COL4A2: variants seen among roughly 807,000 people sequenced by gnomAD.
The protein encoded by COL4A2 is collagen type IV alpha 2 chain, also known as collagen alpha-2(IV) chain.
A neutral mutation model predicts 200.2 loss-of-function variants in COL4A2; 99 were observed. The observed-to-expected ratio is 0.49, with a 90% CI of 0.42 to 0.58. The LOEUF (loss-of-function observed/expected upper bound fraction) is 0.58. Among genes scored for constraint, COL4A2 ranks in the 20% least tolerant of loss-of-function variants. The probability of loss-of-function intolerance (pLI) is 0.00; values close to 1 mark genes in which losing one functional copy is unlikely to be tolerated. For synonymous variants in COL4A2, 897 were observed against 900.6 expected (o/e 1.00, Z 0.07); for missense variants, 1,950 against 2,314.1 (o/e 0.84, Z 3.23).
At chr13:110,396,679 T>TG (rs1358591042) in intron 4 of COL4A2, among the ~76,000 whole-genome samples, 1 of 152,170 alleles carries the variant, frequency 6.6e-6, no homozygotes, top group Non-Finnish European at 1.5e-5. Context: ...TTAAACCCCA[T>TG]GGCAGTCTAA....
At chr13:110,502,678 C>A in intron 41 of COL4A2, 1 of 159,440 alleles carries the variant, frequency 6.3e-6, no homozygotes, top group Admixed American at 6.5e-5. Flanking sequence ...ACCTAGATGA[C>A]CCTTGAGGGC....
At chr13:110,347,341 G>A (rs1012672598) in intron 3 of COL4A2, among the ~76,000 whole-genome samples, 2 of 152,212 alleles carry the variant, frequency 1.3e-5, no homozygotes, top group African/African-American at 4.8e-5. Flanking sequence ...GGAAGGCTCG[G>A]GGGGCTGAGT....
At chr13:110,395,706 A>T (rs1400510921) in intron 4 of COL4A2, among the ~76,000 whole-genome samples, 1 of 152,192 alleles carries the variant, frequency 6.6e-6, no homozygotes, top group Non-Finnish European at 1.5e-5. Flanking sequence ...ACACTTTAGG[A>T]GGCCGAGGAG....
chr13:110,484,270 A>G (rs1883035111), intron 32 of COL4A2, among the ~76,000 whole-genome samples: 1 of 152,088 alleles, frequency 6.6e-6, no homozygotes, highest in Non-Finnish European at 1.5e-5. Context: ...CTAGCCTAGT[A>G]CTGAATACAC....
intron 3 of COL4A2, among the ~76,000 whole-genome samples, chr13:110,327,221 G>T (rs903962885): frequency 1.3e-5 from 2 of 152,130 alleles, no homozygotes; most frequent in African/African-American, 4.8e-5. Context: ...ATTCCCAGGG[G>T]GCCCCCACCC....
In COL4A2 at chr13:110,364,223, A is replaced by G. The variant is rs181976491; in HGVS notation, c.180+6671A>G. On this transcript the variant is annotated intron_variant, in intron 4 of 47. Transcript: ENST00000360467. Reference sequence around the variant, plus strand: ...AACACCACCTGGCTTCCAGGCTTTTATAGCCCTGTCTACACATAGCTCTCA... The same window carrying G: ...AACACCACCTGGCTTCCAGGCTTTTGTAGCCCTGTCTACACATAGCTCTCA... Among the ~76,000 whole-genome samples the G allele has an allele frequency of 2.6e-3, 392 of 152,336 alleles. 2 individuals carry two copies. The highest frequency in any genetic ancestry group is 3.0e-3 in the Non-Finnish European group (203 of 68,030).
intron 3 of COL4A2, among the ~76,000 whole-genome samples, chr13:110,341,828 A>G (rs1313971647): frequency 6.6e-6 from 1 of 152,234 alleles, no homozygotes; most frequent in Non-Finnish European, 1.5e-5. Flanking sequence ...TTTTGAAAGG[A>G]CAGGAGCATA....
intron 24 of COL4A2, among the ~76,000 whole-genome samples, chr13:110,463,783 G>A (rs1212295913): frequency 6.6e-6 from 1 of 152,172 alleles, no homozygotes; most frequent in Admixed American, 6.6e-5. Flanking sequence ...TGATTCTCCT[G>A]CCTTGGCTTC....
At chr13:110,473,200 C>A (rs1464076010) in intron 29 of COL4A2, 50 bp downstream of exon 29, 3 of 1,517,444 alleles carry the variant, frequency 2.0e-6, no homozygotes, top group Non-Finnish European at 2.7e-6. Context: ...TGCACAGTGG[C>A]CTCCAAGGGC....
chr13:110,503,225 G>A lies in COL4A2; in HGVS notation c.3982G>A (p.Ala1328Thr). 6.2e-7 allele frequency: 1 copy of A among 1,613,828 alleles called. No homozygotes were observed. Among genetic ancestry groups the A allele is most frequent in the Non-Finnish European group, 8.5e-7 (1 of 1,179,926 alleles). ...AGGAACCCCAGGGACCAAAGGATGG[G>A]CCGGGGACTCCGGGCCCCAGGGCAG... ...APGTPGTKGW[A>T]GDSGPQGRPG... is the part of the protein sequence containing the mutation. Residue 1328 changes from alanine (A) to threonine (T), a missense_variant, in exon 42 of 48, where the codon GCC (alanine) becomes ACC (threonine). This residue lies in a region of COL4A2 where 1,385 missense variants were observed against 1,720.5 expected (regional missense o/e 0.80). Coordinates refer to ENST00000360467, the MANE Select transcript of COL4A2 (RefSeq NM_001846.4).
At chr13:110,480,580 G>A (rs1353478449) in intron 31 of COL4A2, among the ~76,000 whole-genome samples, 190 bp downstream of exon 31, 1 of 152,192 alleles carries the variant, frequency 6.6e-6, no homozygotes, top group Non-Finnish European at 1.5e-5. Context: ...ATGCTGCTTA[G>A]ACGCGGGTGG....
At chr13:110,315,454 G>C (rs1309922581) in intron 3 of COL4A2, among the ~76,000 whole-genome samples, 2 of 152,158 alleles carry the variant, frequency 1.3e-5, no homozygotes, top group Non-Finnish European at 2.9e-5. Flanking sequence ...GGAGTGCAGT[G>C]GCGTGATCTT....
At position 110,489,725 on chromosome 13, in the gene COL4A2, A is replaced by G. The variant is rs886049978; in HGVS notation, c.3286A>G (p.Thr1096Ala). ...ATGDFGDIGD[T>A]INLPGRPGLK... ...GCATGTAACAGGTGACATCGGGGAC[A>G]CTATAAATTTACCAGGAAGACCAGG... is the stretch of plus-strand genomic sequence containing the variant. Residue 1096 changes from threonine to alanine, a missense_variant, in exon 36 of 48, where the codon ACT becomes GCT. Around this residue, in one of 2 missense-constraint regions of COL4A2, gnomAD observed 1,385 missense variants for 1,720.5 expected, o/e 0.80. Coordinates refer to ENST00000360467, the MANE Select transcript of COL4A2 (RefSeq NM_001846.4). 1.7e-5 allele frequency: 27 copies of G among 1,614,060 alleles called. No homozygotes were observed. Among genetic ancestry groups the G allele is most frequent in the Non-Finnish European group, 2.3e-5 (27 of 1,180,034 alleles).
intron 29 of COL4A2, chr13:110,473,598 A>T (rs1882566386): frequency 1.3e-5 from 2 of 157,468 alleles, no homozygotes; most frequent in African/African-American, 4.8e-5. Flanking sequence ...AAATGTCTTA[A>T]TGTTGTTTAC....
At chr13:110,400,552 T>C (rs1879336211) in intron 4 of COL4A2, among the ~76,000 whole-genome samples, 1 of 152,204 alleles carries the variant, frequency 6.6e-6, no homozygotes, top group Non-Finnish European at 1.5e-5. Context: ...CTATCCCCAT[T>C]TATTAATGTT....
chr13:110,491,995 C>A, intron 37 of COL4A2, 75 bp from the exon 38 acceptor site: 1 of 1,334,072 alleles, frequency 7.5e-7, no homozygotes, highest in Non-Finnish European at 1.0e-6. Flanking sequence ...AGCGGCTGCC[C>A]CTCCTGCCAG....
At chr13:110,400,815 A>G (rs1274689261) in intron 4 of COL4A2, among the ~76,000 whole-genome samples, 2 of 152,224 alleles carry the variant, frequency 1.3e-5, no homozygotes, top group Non-Finnish European at 2.9e-5. Context: ...GTTACACAGG[A>G]AGGCTCATGA....
In COL4A2 at chr13:110,438,082, C is replaced by T. The variant is rs778917402; in HGVS notation, c.861+45C>T. On this transcript the variant is annotated intron_variant, in intron 14 of 47. Transcript: ENST00000360467. ...TGCCCCCTCCCCTGTGGCTCCTGGG[C>T]TGTCGGCGCTCTGCCAGGCATGACG... The T allele has an allele frequency of 3.2e-6, 5 of 1,551,902 alleles. No individual in the cohort carries two copies. In the South Asian group the frequency reaches 5.6e-5, roughly 17 times the overall value.
At chr13:110,381,571 T>A (rs1430525786) in intron 4 of COL4A2, among the ~76,000 whole-genome samples, 1 of 152,208 alleles carries the variant, frequency 6.6e-6, no homozygotes, top group Non-Finnish European at 1.5e-5. Flanking sequence ...CAACTGGAGA[T>A]ACCAGTGAAC....
Sources: allele counts gnomAD v4.1 joint callset (sites outside exome capture counted in the v4.1 genomes callset), GRCh38; gene constraint gnomAD v4.1.1; regional missense constraint gnomAD v4.1.1; transcripts MANE v1.5; gene names NCBI Gene and HGNC (gene_info 2026-07-23, HGNC 2026-07-21).